CDYL2: variants seen among roughly 807,000 people sequenced by gnomAD.
CDYL2 encodes the protein chromodomain Y like 2.
CDYL2 carries 23 observed loss-of-function variants against 49.4 expected under a neutral mutation model. The ratio of observed to expected loss-of-function variants is 0.47; its 90% CI spans 0.34 to 0.66. CDYL2 has a LOEUF of 0.66. Ranked by LOEUF, CDYL2 falls within the 30% of genes least tolerant of loss-of-function variation. The pLI is 0.01. For missense variants in CDYL2, 678 were observed against 656.4 expected, an observed-to-expected ratio of 1.03 and a Z score of -0.36; for synonymous variants, 360 against 268.8, an observed-to-expected ratio of 1.34 and a Z score of -3.32.
intron 1 of CDYL2, among the ~76,000 whole-genome samples, chr16:80,761,102 G>A (rs532379501): frequency 6.6e-6 from 1 of 152,302 alleles, no homozygotes; most frequent in Non-Finnish European, 1.5e-5. Flanking sequence ...AAGGACGCCA[G>A]CATCACCTGG....
intron 2 of CDYL2, among the ~76,000 whole-genome samples, chr16:80,659,861 G>C (rs1034570442): frequency 6.6e-6 from 1 of 151,890 alleles, no homozygotes; most frequent in African/African-American, 2.4e-5. Flanking sequence ...AAAGTTCTCA[G>C]TTTGAAAGAG....
chr16:80,684,271 G>C (rs577170682), intron 2 of CDYL2, among the ~76,000 whole-genome samples: 38 of 152,310 alleles, frequency 2.5e-4, no homozygotes, highest in African/African-American at 9.1e-4. Flanking sequence ...TGGGTGTCTT[G>C]AAATAAGAGT....
intron 1 of CDYL2, among the ~76,000 whole-genome samples, chr16:80,744,903 G>A (rs1042714232): frequency 6.6e-6 from 1 of 152,142 alleles, no homozygotes; most frequent in African/African-American, 2.4e-5. Flanking sequence ...CCTAGCAGTA[G>A]GAACCAGTGC....
At chr16:80,617,112 C>T (rs1303609741) in intron 4 of CDYL2, among the ~76,000 whole-genome samples, 1 of 152,198 alleles carries the variant, frequency 6.6e-6, no homozygotes, top group African/African-American at 2.4e-5. Context: ...CTGGAGAGAG[C>T]CTTCTGAACA....
At chr16:80,733,243 G>A (rs1318316700) in intron 1 of CDYL2, among the ~76,000 whole-genome samples, 1 of 152,218 alleles carries the variant, frequency 6.6e-6, no homozygotes, top group Non-Finnish European at 1.5e-5. Context: ...TATTACTGCA[G>A]AATCTCCACT....
intron 1 of CDYL2, among the ~76,000 whole-genome samples, chr16:80,799,709 G>C (rs1216795185): frequency 6.6e-6 from 1 of 152,182 alleles, no homozygotes; most frequent in Admixed American, 6.5e-5. Flanking sequence ...ATGCACTAAG[G>C]AATGACCTGA....
At chr16:80,794,604 T>C (rs1242498652) in intron 1 of CDYL2, among the ~76,000 whole-genome samples, 3 of 133,984 alleles carry the variant, frequency 2.2e-5, no homozygotes, top group African/African-American at 8.8e-5. Context: ...AGTGATTTTT[T>C]TTTTTTTTTT....
intron 3 of CDYL2, among the ~76,000 whole-genome samples, chr16:80,621,229 T>C (rs1489996731): frequency 6.6e-6 from 1 of 152,240 alleles, no homozygotes; most frequent in East Asian, 1.9e-4. Flanking sequence ...AGTCACTCAA[T>C]CCTTGGTAAA....
intron 1 of CDYL2, among the ~76,000 whole-genome samples, chr16:80,708,280 C>T (rs545758611): frequency 2.6e-5 from 4 of 152,126 alleles, no homozygotes; most frequent in Non-Finnish European, 4.4e-5. Context: ...AACTGAATCA[C>T]GGGGGTGGGT....
intron 2 of CDYL2, among the ~76,000 whole-genome samples, chr16:80,684,215 T>C (rs1421644033): frequency 1.1e-4 from 17 of 152,192 alleles, no homozygotes; most frequent in Non-Finnish European, 2.9e-5. Flanking sequence ...GGGTGAGGAC[T>C]TGAGCTGCCC....
chr16:80,721,854 G>A (rs1476771607), intron 1 of CDYL2, among the ~76,000 whole-genome samples: 4 of 152,078 alleles, frequency 2.6e-5, no homozygotes, highest in Admixed American at 2.6e-4. Context: ...CAGTTCCTTT[G>A]CCCTGTCCAC....
intron 1 of CDYL2, among the ~76,000 whole-genome samples, chr16:80,705,357 A>G (rs1385801629): frequency 6.6e-6 from 1 of 152,236 alleles, no homozygotes; most frequent in Non-Finnish European, 1.5e-5. Context: ...ACTATGAGCG[A>G]TGCTAGAGTC....
At chr16:80,622,839 T>A (rs902802705) in intron 3 of CDYL2, among the ~76,000 whole-genome samples, 2 of 152,206 alleles carry the variant, frequency 1.3e-5, no homozygotes, top group Non-Finnish European at 2.9e-5. Flanking sequence ...GCAGCCCGGC[T>A]ATTCAGCTCC....
chr16:80,619,626 G>A (rs1007582449), intron 4 of CDYL2, among the ~76,000 whole-genome samples: 2 of 152,190 alleles, frequency 1.3e-5, no homozygotes, highest in Non-Finnish European at 2.9e-5. Flanking sequence ...GGCATAGCTG[G>A]GACCACGCAA....
intron 2 of CDYL2, among the ~76,000 whole-genome samples, chr16:80,670,392 C>T (rs1246939801): frequency 6.6e-6 from 1 of 152,176 alleles, no homozygotes; most frequent in Non-Finnish European, 1.5e-5. Context: ...AGCACTTCTC[C>T]TTGCTGCCAC....
intron 1 of CDYL2, among the ~76,000 whole-genome samples, chr16:80,693,861 T>TCC (rs1379001540): frequency 6.6e-6 from 1 of 152,060 alleles, no homozygotes; most frequent in African/African-American, 2.4e-5. Context: ...TGTCAGAGGC[T>TCC]CCCAGGATGG....
chr16:80,757,272 A>G (rs543448786), intron 1 of CDYL2, among the ~76,000 whole-genome samples: 1 of 152,280 alleles, frequency 6.6e-6, no homozygotes, highest in South Asian at 2.1e-4. Context: ...TTTACCCTAT[A>G]AAATTAACAA....
Position 80,773,384 on chromosome 16 carries a change from G to C in CDYL2, c.24+30766C>G, listed in dbSNP as rs377702009. ...TAGACATTTCCATAATCGGAACAGA[G>C]ATTTTTCACACATGCCTCTCAATAA... is the stretch of plus-strand genomic sequence containing the variant. On this transcript the variant is annotated intron_variant, in intron 1 of 6. Coordinates refer to ENST00000570137, the MANE Select transcript of CDYL2 (RefSeq NM_152342.4). 4.3e-4 allele frequency among the ~76,000 whole-genome samples: 66 copies of C among 152,222 alleles called. No individual in the cohort carries two copies. In the Middle Eastern group the frequency reaches 0.01, roughly 24 times the overall value.
intron 2 of CDYL2, among the ~76,000 whole-genome samples, chr16:80,669,255 A>G (rs1019610279): frequency 1.3e-5 from 2 of 152,100 alleles, no homozygotes; most frequent in Non-Finnish European, 2.9e-5. Context: ...CTGGCCGAGC[A>G]GAGGAAGCAT....
Sources: allele counts gnomAD v4.1 joint callset (sites outside exome capture counted in the v4.1 genomes callset), GRCh38; gene constraint gnomAD v4.1.1; transcripts MANE v1.5; gene names NCBI Gene and HGNC (gene_info 2026-07-23, HGNC 2026-07-21).